DYTN: variants seen among roughly 807,000 people sequenced by gnomAD.
DYTN encodes the protein dystrotelin.
DYTN carries 75 observed loss-of-function variants against 69.6 expected under a neutral mutation model. That is an observed-to-expected ratio of 1.08 (90% CI 0.89 to 1.31). The LOEUF (loss-of-function observed/expected upper bound fraction) is 1.31, where lower values mean the gene tolerates loss of function less well. Among genes scored for constraint, DYTN ranks in the 50% most tolerant of loss-of-function variants. DYTN has a pLI of 0.00. For synonymous variants in DYTN, 252 were observed against 249.1 expected (o/e 1.01, Z -0.11); for missense variants, 726 against 688.4 (o/e 1.05, Z -0.61).
intron 5 of DYTN, among the ~76,000 whole-genome samples, chr2:206,703,872 G>A (rs1699998508): frequency 6.6e-6 from 1 of 152,168 alleles, no homozygotes; most frequent in South Asian, 2.1e-4. Context: ...ACAAGGGTAA[G>A]GGTACAACAG....
rs1351373879 is a variant in DYTN, at chr2:206,705,883, A to C, written c.297-10T>G. The C allele has an allele frequency of 6.2e-7, 1 of 1,613,116 alleles. No homozygotes were observed. The highest frequency in any genetic ancestry group is 1.7e-5 in the Admixed American group (1 of 59,940). ...AAAACCTGTTCCTTTGCTGCACAGTAACAAAATACAGAGACAAGAATGGGA... is the reference window on the plus strand; with the variant it reads ...AAAACCTGTTCCTTTGCTGCACAGTCACAAAATACAGAGACAAGAATGGGA... On this transcript the variant is annotated splice_polypyrimidine_tract_variant and intron_variant, in intron 3 of 11. Transcript: ENST00000452335.
intron 10 of DYTN, among the ~76,000 whole-genome samples, chr2:206,665,121 T>A (rs1699555671): frequency 6.6e-6 from 1 of 152,212 alleles, no homozygotes; most frequent in Non-Finnish European, 1.5e-5. Flanking sequence ...GTGTGAGGCC[T>A]GATTTCTTCA....
chr2:206,692,930 G>T (rs1397976486), intron 9 of DYTN, among the ~76,000 whole-genome samples: 1 of 151,862 alleles, frequency 6.6e-6, no homozygotes, highest in East Asian at 1.9e-4. Flanking sequence ...TCTTTCTGAT[G>T]GTTTCATTTG....
intron 9 of DYTN, among the ~76,000 whole-genome samples, chr2:206,683,711 G>A (rs1175988008): frequency 2.6e-5 from 4 of 151,708 alleles, no homozygotes; most frequent in Non-Finnish European, 4.4e-5. Context: ...GCTGTTCTTT[G>A]AATCCATTAA....
chr2:206,659,700 T>C (rs1183661282), intron 11 of DYTN, among the ~76,000 whole-genome samples: 4 of 152,196 alleles, frequency 2.6e-5, no homozygotes, highest in South Asian at 4.1e-4. Context: ...TATGTTTAAA[T>C]TATAAAGCGT....
chr2:206,693,696 C>T (rs547467559), intron 8 of DYTN, among the ~76,000 whole-genome samples: 1 of 152,210 alleles, frequency 6.6e-6, no homozygotes. Flanking sequence ...AATACTCACA[C>T]ATTCCATTCT....
At chr2:206,657,309 G>T (rs1246953702) in intron 11 of DYTN, among the ~76,000 whole-genome samples, 2 of 151,900 alleles carry the variant, frequency 1.3e-5, no homozygotes, top group Non-Finnish European at 2.9e-5. Flanking sequence ...TAAAGATGTG[G>T]TCTCACTATG....
At chr2:206,661,815 G>A (rs1391337054) in intron 11 of DYTN, among the ~76,000 whole-genome samples, 1 of 152,114 alleles carries the variant, frequency 6.6e-6, no homozygotes, top group Non-Finnish European at 1.5e-5. Flanking sequence ...ACTGTGCAGG[G>A]GGCCAGCACC....
intron 1 of DYTN, among the ~76,000 whole-genome samples, chr2:206,711,989 C>A (rs1700082745): frequency 6.7e-6 from 1 of 149,930 alleles, no homozygotes; most frequent in South Asian, 2.1e-4. Flanking sequence ...CCCATTTAGT[C>A]ATATTATCTT....
In DYTN at chr2:206,651,770, A is replaced by G; in HGVS notation, c.*48T>C. On this transcript the variant is annotated 3_prime_UTR_variant, in exon 12 of 12. Transcript: ENST00000452335. ...TTAATTCTTTTAATACAGTTGTGCA[A>G]CTGCATTTTGTCATCACACCAAGAG... is the stretch of plus-strand genomic sequence containing the variant. 6.6e-7 allele frequency: 1 copy of G among 1,515,050 alleles called. No individual in the cohort carries two copies. The highest frequency in any genetic ancestry group is 1.7e-5 in the Admixed American group (1 of 58,546). 93.9% of individuals were successfully genotyped at this position (1,515,050 alleles called of 1,614,324 possible).
Position 206,693,257 on chromosome 2 carries a change from A to G in DYTN, c.898T>C (p.Cys300Arg), listed in dbSNP as rs1487807691. The change falls in exon 9 of 12, where the codon TGT becomes CGT. Residue 300 changes from cysteine to arginine, a missense_variant. Transcript: ENST00000452335. ...CTTCTCGCTGCTTCTTTCTTCCTACAGCGCCCCTGAAGAAGGTTGTTTCTG... is the reference window on the plus strand; with the variant it reads ...CTTCTCGCTGCTTCTTTCTTCCTACGGCGCCCCTGAAGAAGGTTGTTTCTG... ...TLRNNLLQGR[C>R]RKKEAARRQQ... is the part of the protein sequence containing the mutation. The G allele has an allele frequency of 5.0e-6, 8 of 1,613,576 alleles. No homozygotes were observed. The highest frequency in any genetic ancestry group is 2.2e-5 in the South Asian group (2 of 91,070).
chr2:206,663,390 C>G lies in DYTN; in HGVS notation c.1146G>C (p.Arg382Ser). ...LQQIRRDLQA[R>S]LQPPGPSSSS... ...AAGATGAAGGACCGGGTGGCTGCAA[C>G]CTTGCCTGGGGAAACAAAACTTTAT... is the stretch of plus-strand genomic sequence containing the variant. Residue 382 changes from arginine to serine, a missense_variant, in exon 11 of 12, where the codon AGG (arginine) becomes AGC (serine). By Grantham distance (110) the Arg-to-Ser change is moderately radical (BLOSUM62 -1). Coordinates refer to ENST00000452335, the MANE Select transcript of DYTN (RefSeq NM_001093730.1). 1.3e-6 allele frequency: 2 copies of G among 1,581,460 alleles called. No homozygotes were observed. Among genetic ancestry groups the G allele is most frequent in the Non-Finnish European group, 1.7e-6 (2 of 1,166,206 alleles).
At chr2:206,698,991 A>G (rs752441602) in intron 7 of DYTN, among the ~76,000 whole-genome samples, 3 of 152,230 alleles carry the variant, frequency 2.0e-5, no homozygotes, top group Non-Finnish European at 4.4e-5. Flanking sequence ...GGGGATAAGA[A>G]TACAACCCTT....
rs377038703 is a variant in DYTN at position 206,718,246 on chromosome 2, G to C, written c.19+15C>G. The stretch of plus-strand genomic sequence containing the variant: ...GTTTACAAACTATGCTCAGAAACTT[G>C]ACAATAATACTCACCTTGTTTATCT... On this transcript the variant is annotated intron_variant, in intron 1 of 11. Transcript: ENST00000452335. The C allele has an allele frequency of 3.8e-6, 6 of 1,588,580 alleles. No homozygotes were observed. The African/African-American group carries it at 8.1e-5, about 21-fold the overall frequency.
intron 9 of DYTN, among the ~76,000 whole-genome samples, chr2:206,669,294 CTTTA>C (rs1420437832): frequency 6.6e-6 from 1 of 152,128 alleles, no homozygotes; most frequent in Non-Finnish European, 1.5e-5. Context: ...AAAATTTGGT[CTTTA>C]TTAACTGCCT....
intron 9 of DYTN, among the ~76,000 whole-genome samples, chr2:206,677,889 C>A (rs1699707666): frequency 6.6e-6 from 1 of 151,960 alleles, no homozygotes; most frequent in African/African-American, 2.4e-5. Flanking sequence ...ACTTGAGAGG[C>A]TGAGGCAGAA....
intron 7 of DYTN, among the ~76,000 whole-genome samples, chr2:206,697,155 G>A (rs1224752987): frequency 6.6e-6 from 1 of 152,136 alleles, no homozygotes; most frequent in Non-Finnish European, 1.5e-5. Context: ...AACTTATTTA[G>A]GATAATATGC....
chr2:206,658,948 A>C (rs1484346344), intron 11 of DYTN, among the ~76,000 whole-genome samples: 1 of 151,580 alleles, frequency 6.6e-6, no homozygotes, highest in Non-Finnish European at 1.5e-5. Context: ...TATCAAATGG[A>C]AAAAAATAGT....
chr2:206,697,252 C>G, intron 7 of DYTN, among the ~76,000 whole-genome samples: 1 of 152,116 alleles, frequency 6.6e-6, no homozygotes, highest in East Asian at 1.9e-4. Flanking sequence ...TGAGATTGGC[C>G]TGTTGTTGAT....
Sources: allele counts gnomAD v4.1 joint callset (sites outside exome capture counted in the v4.1 genomes callset), GRCh38; gene constraint gnomAD v4.1.1; transcripts MANE v1.5; gene names NCBI Gene and HGNC (gene_info 2026-07-23, HGNC 2026-07-21).